The following LTBP1 variants were observed in gnomAD, a reference collection of about 807,000 sequenced individuals.
LTBP1 encodes latent-transforming growth factor beta-binding protein 1.
Under a neutral mutation model 207.6 loss-of-function variants are expected in LTBP1, and 129 were observed. That is an observed-to-expected ratio of 0.62 (90% CI 0.54 to 0.72). The LOEUF is 0.72. Ranked by LOEUF, LTBP1 falls within the 30% of genes least tolerant of loss-of-function variation. The pLI is 0.00. For synonymous variants in LTBP1, 963 were observed against 833.7 expected (o/e 1.16, Z -2.67); for missense variants, 2,281 against 2,217.2 (o/e 1.03, Z -0.58).
intron 7 of LTBP1, among the ~76,000 whole-genome samples, chr2:33,198,848 A>G (rs1469817886): frequency 6.6e-6 from 1 of 152,106 alleles, no homozygotes; most frequent in African/African-American, 2.4e-5. Context: ...TCAAAAAACC[A>G]GCTCCTGGAT....
At chr2:33,100,430 G>A (rs1025958440) in intron 3 of LTBP1, among the ~76,000 whole-genome samples, 2 of 151,716 alleles carry the variant, frequency 1.3e-5, no homozygotes, top group South Asian at 4.2e-4. Flanking sequence ...GGGCAGGGGG[G>A]GCAAGAAACC....
At chr2:33,376,915 G>T (rs757033198) in intron 31 of LTBP1, among the ~76,000 whole-genome samples, 5 of 151,938 alleles carry the variant, frequency 3.3e-5, no homozygotes, top group African/African-American at 1.2e-4. Context: ...GGGACAGTAC[G>T]TACATAAGAG....
At chr2:33,211,844 A>G (rs1357732493) in intron 7 of LTBP1, among the ~76,000 whole-genome samples, 1 of 152,198 alleles carries the variant, frequency 6.6e-6, no homozygotes, top group Non-Finnish European at 1.5e-5. Flanking sequence ...TGGTTACCAG[A>G]TAAGTTTTGA....
At chr2:33,001,069 C>T (rs992082625) in intron 2 of LTBP1, among the ~76,000 whole-genome samples, 1 of 134,882 alleles carries the variant, frequency 7.4e-6, no homozygotes, top group Non-Finnish European at 1.6e-5. Context: ...CTTCCTGACA[C>T]GCTGACCTTT....
chr2:33,129,106 T>C (rs1479352742), intron 4 of LTBP1, among the ~76,000 whole-genome samples: 2 of 152,226 alleles, frequency 1.3e-5, no homozygotes, highest in Non-Finnish European at 2.9e-5. Context: ...GGTATGGTTC[T>C]GGAGCCAATG....
chr2:33,277,819 T>TTCTCTCTCTCTCTCTCTCTCTCTCTCTC (rs1174472323), intron 18 of LTBP1, among the ~76,000 whole-genome samples: 1 of 86,862 alleles, frequency 1.2e-5, no homozygotes, highest in African/African-American at 5.1e-5. Context: ...CTTTTTTTCT[T>TTCTCTCTCTCTCTCTCTCTCTCTCTCTC]TCTTTCTTTC....
intron 10 of LTBP1, among the ~76,000 whole-genome samples, chr2:33,247,263 C>G (rs1209677737): frequency 6.6e-6 from 1 of 152,190 alleles, no homozygotes; most frequent in East Asian, 1.9e-4. Flanking sequence ...TAATTAAGTA[C>G]ATCATTCATT....
intron 24 of LTBP1, among the ~76,000 whole-genome samples, chr2:33,331,919 ACCT>A (rs1204308511): frequency 6.6e-6 from 1 of 151,978 alleles, no homozygotes; most frequent in African/African-American, 2.4e-5. Context: ...AATTGCAGTG[ACCT>A]CCTAACTTAA....
At chr2:33,241,551 A>G (rs1400539579) in intron 9 of LTBP1, among the ~76,000 whole-genome samples, 8 of 152,224 alleles carry the variant, frequency 5.3e-5, no homozygotes, top group Admixed American at 2.0e-4. Context: ...TGGTGCTGTT[A>G]TAGAAACCAC....
At chr2:33,024,250 A>G (rs2075309765) in intron 3 of LTBP1, among the ~76,000 whole-genome samples, 1 of 152,224 alleles carries the variant, frequency 6.6e-6, no homozygotes, top group Admixed American at 6.5e-5. Context: ...AGATATTCAT[A>G]AGTGCTGTGG....
Position 33,146,280 on chromosome 2 carries a change from T to C in LTBP1, c.1201+11320T>C, listed in dbSNP as rs529122356. On this transcript the variant is annotated intron_variant, in intron 5 of 33. Coordinates refer to ENST00000404816, the MANE Select transcript of LTBP1 (RefSeq NM_206943.4). ...CTTGATTTAAATCAGGCACTGCTCT[T>C]CTTACTCTCAAGACAAAATCTAGAC... Among the ~76,000 whole-genome samples the C allele has an allele frequency of 7.9e-5, 12 of 152,322 alleles. No homozygotes were observed. In the South Asian group the frequency reaches 2.1e-3, roughly 26 times the overall value.
chr2:33,375,725 G>A (rs1250344396), intron 31 of LTBP1, among the ~76,000 whole-genome samples: 1 of 130,926 alleles, frequency 7.6e-6, no homozygotes, highest in African/African-American at 2.9e-5. Flanking sequence ...TTTTTTTTTA[G>A]TAGAGACGGG....
chr2:33,345,298 A>G (rs1052028777), intron 25 of LTBP1, among the ~76,000 whole-genome samples: 2 of 152,292 alleles, frequency 1.3e-5, no homozygotes, highest in African/African-American at 4.8e-5. Flanking sequence ...TATTTTGTTC[A>G]TTTCCCTAAC....
chr2:32,965,044 A>T (rs975630255), intron 2 of LTBP1, among the ~76,000 whole-genome samples: 7 of 152,200 alleles, frequency 4.6e-5, no homozygotes, highest in African/African-American at 1.4e-4. Context: ...CTTAATAAAA[A>T]AAACAAAAAA....
intron 31 of LTBP1, among the ~76,000 whole-genome samples, chr2:33,373,581 A>T (rs2150247772): frequency 6.6e-6 from 1 of 152,244 alleles, no homozygotes; most frequent in Admixed American, 6.5e-5. Context: ...AGTTATTCAT[A>T]CTCCTTTAAA....
intron 5 of LTBP1, among the ~76,000 whole-genome samples, chr2:33,181,633 G>C (rs1238218106): frequency 6.6e-6 from 1 of 152,222 alleles, no homozygotes; most frequent in Non-Finnish European, 1.5e-5. Flanking sequence ...GAATTATGGT[G>C]ATGACCAGCA....
chr2:33,015,665 T>G (rs1688275446), intron 2 of LTBP1, among the ~76,000 whole-genome samples: 1 of 152,184 alleles, frequency 6.6e-6, no homozygotes, highest in Non-Finnish European at 1.5e-5. Context: ...CTTCTCACAC[T>G]GCTATAAAGA....
chr2:33,123,986 C>A (rs1254519434), intron 4 of LTBP1, among the ~76,000 whole-genome samples: 1 of 152,100 alleles, frequency 6.6e-6, no homozygotes, highest in Non-Finnish European at 1.5e-5. Context: ...AGTGCAAAGT[C>A]AAGATTTGAC....
At chr2:33,232,860 C>T (rs1268466657) in intron 9 of LTBP1, among the ~76,000 whole-genome samples, 1 of 152,048 alleles carries the variant, frequency 6.6e-6, no homozygotes, top group East Asian at 1.9e-4. Flanking sequence ...TGAGACTACT[C>T]GTGTGTACAA....
Sources: allele counts gnomAD v4.1 joint callset (sites outside exome capture counted in the v4.1 genomes callset), GRCh38; gene constraint gnomAD v4.1.1; transcripts MANE v1.5; gene names NCBI Gene and HGNC (gene_info 2026-07-23, HGNC 2026-07-21).